Variants in CSMD1 observed in about 807,000 individuals in gnomAD.
CSMD1 encodes the protein CUB and Sushi multiple domains 1, also known as CUB and sushi domain-containing protein 1.
A neutral mutation model predicts 417.5 loss-of-function variants in CSMD1; 213 were observed. That is an observed-to-expected ratio of 0.51 (90% CI 0.46 to 0.57). The LOEUF is 0.57. Ranked by LOEUF, CSMD1 falls within the 20% of genes least tolerant of loss-of-function variation. CSMD1 has a pLI of 0.00. For missense variants in CSMD1, 6,923 were observed against 4,529.7 expected (o/e 1.53, Z -15.17); for synonymous variants, 2,862 against 1,736.8 (o/e 1.65, Z -16.11).
intron 5 of CSMD1, among the ~76,000 whole-genome samples, chr8:3,792,092 T>G (rs1398949318): frequency 6.6e-6 from 1 of 152,126 alleles, no homozygotes; most frequent in Non-Finnish European, 1.5e-5. Context: ...CAAGAATGAC[T>G]TCCTGAGCCT....
At chr8:3,301,200 A>G (rs1432877674) in intron 25 of CSMD1, among the ~76,000 whole-genome samples, 1 of 148,052 alleles carries the variant, frequency 6.8e-6, no homozygotes. Context: ...TTTAAAATAA[A>G]ACAAACCATA....
intron 1 of CSMD1, among the ~76,000 whole-genome samples, chr8:4,828,605 C>G (rs577608218): frequency 1.3e-5 from 2 of 152,234 alleles, no homozygotes; most frequent in East Asian, 1.9e-4. Context: ...ATCAAAACCT[C>G]TCATCTGGAA....
intron 8 of CSMD1, among the ~76,000 whole-genome samples, chr8:3,601,944 G>A (rs577994593): frequency 6.6e-6 from 1 of 152,118 alleles, no homozygotes; most frequent in African/African-American, 2.4e-5. Flanking sequence ...TAGTGATCAC[G>A]TTCCCAGGAA....
intron 5 of CSMD1, among the ~76,000 whole-genome samples, chr8:3,767,610 T>A (rs1417109304): frequency 2.0e-5 from 3 of 151,914 alleles, no homozygotes; most frequent in Non-Finnish European, 1.5e-5. Flanking sequence ...TCAACTATGT[T>A]TTATATCCAC....
At chr8:4,217,146 G>C (rs994102965) in intron 3 of CSMD1, among the ~76,000 whole-genome samples, 4 of 152,168 alleles carry the variant, frequency 2.6e-5, no homozygotes, top group African/African-American at 9.7e-5. Flanking sequence ...TTGTAGAAAA[G>C]CCCAGAAATA....
chr8:4,973,915 C>G (rs1467099324), intron 1 of CSMD1, among the ~76,000 whole-genome samples: 2 of 152,166 alleles, frequency 1.3e-5, no homozygotes, highest in East Asian at 1.9e-4. Context: ...CAAAGTCTGT[C>G]TGTTTCTTGG....
At chr8:3,493,071 A>G (rs560995468) in intron 11 of CSMD1, among the ~76,000 whole-genome samples, 1 of 152,062 alleles carries the variant, frequency 6.6e-6, no homozygotes, top group Non-Finnish European at 1.5e-5. Context: ...AAGTGGGCAA[A>G]TCACCAGAGG....
At chr8:3,380,888 A>C (rs11780882) in intron 18 of CSMD1, among the ~76,000 whole-genome samples, 71,226 of 151,402 alleles carry the variant, frequency 0.47, 16,924 homozygotes, top group Middle Eastern at 0.5. Context: ...CTTAAAGTAT[A>C]ATGAAAAAAA....
chr8:4,818,546 CAG>C (rs1334056587), intron 1 of CSMD1, among the ~76,000 whole-genome samples: 1 of 152,092 alleles, frequency 6.6e-6, no homozygotes, highest in African/African-American at 2.4e-5. Context: ...GGCATGAATC[CAG>C]AGACACACAC....
intron 3 of CSMD1, among the ~76,000 whole-genome samples, chr8:4,189,263 G>C (rs1359221378): frequency 1.3e-5 from 2 of 152,150 alleles, no homozygotes; most frequent in African/African-American, 2.4e-5. Flanking sequence ...CCCATCTGTA[G>C]AGAAACACTT....
rs562289096 is a variant in CSMD1, at chr8:4,306,553, G to C, written c.415+113400C>G. Among the ~76,000 whole-genome samples, 46 of 152,166 alleles carry C rather than the reference G, an allele frequency of 3.0e-4. 1 individual carries two copies. Among genetic ancestry groups the C allele is most frequent in the Admixed American group, 1.4e-3 (22 of 15,276 alleles). ...TTGAAGACAAAATTTTCTTCCTTATGCAAAAAAACAGCTCCCTGCCCATGG... is the reference window on the plus strand; with the variant it reads ...TTGAAGACAAAATTTTCTTCCTTATCCAAAAAAACAGCTCCCTGCCCATGG... On this transcript the variant is annotated intron_variant, in intron 3 of 69. Coordinates refer to ENST00000635120, the MANE Select transcript of CSMD1 (RefSeq NM_033225.6).
At chr8:3,047,583 C>T (rs537144437) in intron 50 of CSMD1, among the ~76,000 whole-genome samples, 1 of 152,220 alleles carries the variant, frequency 6.6e-6, no homozygotes, top group Admixed American at 6.5e-5. Context: ...ATCTCACATG[C>T]TGTCCTGATG....
intron 3 of CSMD1, among the ~76,000 whole-genome samples, chr8:4,245,251 C>T (rs575540093): frequency 6.6e-6 from 1 of 152,166 alleles, no homozygotes; most frequent in Non-Finnish European, 1.5e-5. Flanking sequence ...CAAGCACCTG[C>T]ATTACGCAAT....
At chr8:3,535,615 C>A (rs1013341897) in intron 10 of CSMD1, among the ~76,000 whole-genome samples, 5 of 152,096 alleles carry the variant, frequency 3.3e-5, no homozygotes, top group Admixed American at 2.0e-4. Flanking sequence ...GTATAATGTA[C>A]CTTATTCAAG....
At chr8:3,831,170 G>C (rs887673339) in intron 5 of CSMD1, among the ~76,000 whole-genome samples, 1 of 152,134 alleles carries the variant, frequency 6.6e-6, no homozygotes, top group African/African-American at 2.4e-5. Context: ...AATTTATCTA[G>C]AGACTCTACA....
At chr8:4,491,360 C>G (rs1801690070) in intron 2 of CSMD1, among the ~76,000 whole-genome samples, 1 of 152,164 alleles carries the variant, frequency 6.6e-6, no homozygotes, top group South Asian at 2.1e-4. Context: ...CCAGGATTTT[C>G]TAGCAACATC....
rs71887305 is a variant in CSMD1 at position 3,658,476 on chromosome 8, A to ATATG, written c.1010-41680_1010-41679insCATA. Among the ~76,000 whole-genome samples, 1,422 of 147,888 alleles carry ATATG rather than the reference A, an allele frequency of 9.6e-3. 29 individuals carry two copies. The highest frequency in any genetic ancestry group is 0.033 in the African/African-American group (1,326 of 40,766). On this transcript the variant is annotated intron_variant, in intron 7 of 69. Transcript: ENST00000635120. Reference sequence around the variant, plus strand: ...TAATATATATATTGTGTATATATATATATATTTAATTTAAAGCTTTCCTTG... The same window carrying ATATG: ...TAATATATATATTGTGTATATATATATATGTATATTTAATTTAAAGCTTTCCTTG...
intron 6 of CSMD1, among the ~76,000 whole-genome samples, chr8:3,724,291 G>A (rs1219625280): frequency 2.6e-5 from 4 of 151,814 alleles, no homozygotes; most frequent in East Asian, 1.9e-4. Context: ...CTGGTGTGCC[G>A]CACCCACTAA....
intron 1 of CSMD1, among the ~76,000 whole-genome samples, chr8:4,807,424 C>CA (rs966374787): frequency 6.6e-6 from 1 of 152,098 alleles, no homozygotes; most frequent in Admixed American, 6.6e-5. Context: ...AACATTCTCA[C>CA]AAAAATGAAA....
Sources: allele counts gnomAD v4.1 joint callset (sites outside exome capture counted in the v4.1 genomes callset), GRCh38; gene constraint gnomAD v4.1.1; transcripts MANE v1.5; gene names NCBI Gene and HGNC (gene_info 2026-07-23, HGNC 2026-07-21).